Variants in PRPSAP2 observed in about 807,000 individuals in gnomAD.
PRPSAP2 encodes the protein phosphoribosyl pyrophosphate synthase-associated protein 2.
Under a neutral mutation model 40.6 loss-of-function variants are expected in PRPSAP2, and 24 were observed. The ratio of observed to expected loss-of-function variants is 0.59; its 90% CI spans 0.43 to 0.83. The LOEUF is 0.83. PRPSAP2 is among the 40% of genes least tolerant of loss of function. The pLI is 0.00. For missense variants in PRPSAP2, 292 were observed against 465.6 expected (o/e 0.63, Z 3.43); for synonymous variants, 149 against 164.7 (o/e 0.90, Z 0.73).
intron 4 of PRPSAP2, among the ~76,000 whole-genome samples, chr17:18,869,865 T>TGTGTGTGTGTGTGTGA (rs745428673): frequency 0.052 from 7,691 of 146,940 alleles, 207 homozygotes; most frequent in Admixed American, 0.071. Flanking sequence ...TGTGTGTGTG[T>TGTGTGTGTGTGTGTGA]GAGACAGAGT....
chr17:18,905,600 A>G (rs2040534043), intron 8 of PRPSAP2, among the ~76,000 whole-genome samples: 2 of 148,214 alleles, frequency 1.3e-5, no homozygotes, highest in Admixed American at 1.3e-4. Flanking sequence ...TTTTTTTGAG[A>G]CGGAGTTTCG....
At position 18,877,940 on chromosome 17, in the gene PRPSAP2, A is replaced by G. The variant is rs111306542; in HGVS notation, c.412+70A>G. 2.2e-4 allele frequency: 317 copies of G among 1,464,448 alleles called. 2 individuals are homozygous for G. In the African/African-American group the frequency reaches 4.1e-3, roughly 19 times the overall value. 90.7% of individuals were successfully genotyped at this position (1,464,448 alleles called of 1,614,324 possible). The stretch of plus-strand genomic sequence containing the variant: ...TTTATTTATTTATTCTCTCTTTTTT[A>G]AGACAGGGTCTTGCCCTGTCACCTA... On this transcript the variant is annotated intron_variant, in intron 6 of 11. Coordinates refer to ENST00000268835, the MANE Select transcript of PRPSAP2 (RefSeq NM_002767.4).
intron 7 of PRPSAP2, among the ~76,000 whole-genome samples, chr17:18,885,610 G>A (rs557504958): frequency 4.6e-4 from 70 of 151,316 alleles, no homozygotes; most frequent in Non-Finnish European, 8.7e-4. Flanking sequence ...TTTTTGAGAT[G>A]GAGTTTCGCT....
intron 9 of PRPSAP2, chr17:18,917,453 C>T (rs2041387133): frequency 6.8e-6 from 1 of 148,008 alleles, no homozygotes; most frequent in Non-Finnish European, 1.5e-5. Context: ...GTGGTGCAAT[C>T]ATGGCACACT....
At chr17:18,897,991 C>CTTTTTTTT (rs71155370) in intron 8 of PRPSAP2, among the ~76,000 whole-genome samples, 5 of 116,350 alleles carry the variant, frequency 4.3e-5, no homozygotes, top group South Asian at 7.0e-4. Flanking sequence ...AGAATTTTTG[C>CTTTTTTTT]TTTTTTTTTT....
chr17:18,872,476 G>A, intron 4 of PRPSAP2, 107 bp from the exon 5 acceptor site: 2 of 805,624 alleles, frequency 2.5e-6, no homozygotes, highest in Non-Finnish European at 4.1e-6. Flanking sequence ...ATAACAGTTT[G>A]AGTTGCCATA....
At position 18,911,278 on chromosome 17, in the gene PRPSAP2, C is replaced by A; in HGVS notation, c.733+27C>A. On this transcript the variant is annotated intron_variant, in intron 9 of 11. Transcript: ENST00000268835. The surrounding 1 kb of genome is among the most constrained non-coding windows in gnomAD (Gnocchi z 4.5). ...TAAGTGTGCTGCTGCCTCTTTCCCA[C>A]TTTCCTCTGATTTTAAGGCTGACTA... The A allele has an allele frequency of 6.3e-7, 1 of 1,580,284 alleles. No homozygotes were observed. Among genetic ancestry groups the A allele is most frequent in the Non-Finnish European group, 8.6e-7 (1 of 1,158,194 alleles).
intron 7 of PRPSAP2, 118 bp from the exon 8 acceptor site, chr17:18,889,704 T>C: frequency 1.4e-6 from 1 of 714,662 alleles, no homozygotes; most frequent in Non-Finnish European, 2.2e-6. Flanking sequence ...CAAAGGAGAA[T>C]TTTACTTTGA....
chr17:18,873,191 CTTTTT>C (rs34126027), intron 5 of PRPSAP2, among the ~76,000 whole-genome samples: 1 of 108,176 alleles, frequency 9.2e-6, no homozygotes. Flanking sequence ...AGTAGAGGCT[CTTTTT>C]TTTTTTTTTT....
intron 7 of PRPSAP2, among the ~76,000 whole-genome samples, chr17:18,888,033 G>T: frequency 1.9e-5 from 1 of 52,324 alleles, no homozygotes. Flanking sequence ...TTGAGATTAG[G>T]GATTGGTGAT....
intron 8 of PRPSAP2, among the ~76,000 whole-genome samples, chr17:18,910,145 G>C (rs925042587): frequency 2.0e-5 from 3 of 151,946 alleles, no homozygotes; most frequent in Non-Finnish European, 4.4e-5. Flanking sequence ...ATGGCCAGGC[G>C]CAAGTGGCTC....
intron 1 of PRPSAP2, among the ~76,000 whole-genome samples, chr17:18,862,221 G>A (rs1240580168): frequency 6.6e-6 from 1 of 152,166 alleles, no homozygotes; most frequent in Non-Finnish European, 1.5e-5. Flanking sequence ...TGGAATGATG[G>A]GCCCTCAGCG....
intron 9 of PRPSAP2, among the ~76,000 whole-genome samples, chr17:18,913,902 G>A (rs945710481): frequency 6.6e-5 from 10 of 151,526 alleles, no homozygotes; most frequent in Admixed American, 5.3e-4. Context: ...GTGGCTGGGC[G>A]CGGCGGCTCA....
chr17:18,919,866 C>G (rs1179284495), intron 9 of PRPSAP2, among the ~76,000 whole-genome samples: 4 of 152,116 alleles, frequency 2.6e-5, no homozygotes, highest in Non-Finnish European at 5.9e-5. Flanking sequence ...GTCTCTTGGA[C>G]TTAGTAATGG....
chr17:18,909,511 T>C (rs1256762748), intron 8 of PRPSAP2, among the ~76,000 whole-genome samples: 11 of 152,060 alleles, frequency 7.2e-5, no homozygotes, highest in Admixed American at 4.6e-4. Context: ...CCCAAAGTGC[T>C]GGGATTACAG....
At chr17:18,861,400 G>T (rs1272670624) in intron 1 of PRPSAP2, 2 of 151,272 alleles carry the variant, frequency 1.3e-5, no homozygotes, top group African/African-American at 4.9e-5. Context: ...GGAGGCGGAG[G>T]TTATAGTGAG....
At chr17:18,913,541 CTTTTTTTTTTTT>C (rs35697920) in intron 9 of PRPSAP2, among the ~76,000 whole-genome samples, 1 of 73,950 alleles carries the variant, frequency 1.4e-5, no homozygotes, top group Non-Finnish European at 2.5e-5. Context: ...GCGTCTGGTT[CTTTTTTTTTTTT>C]TTTTTTTTTT....
chr17:18,880,340 G>A (rs1250483377), intron 6 of PRPSAP2, among the ~76,000 whole-genome samples: 1 of 152,106 alleles, frequency 6.6e-6, no homozygotes. Context: ...TCTGGTGATC[G>A]TTACAAAGGT....
Position 18,887,838 on chromosome 17 carries a change from C to CT in PRPSAP2, c.529-1970dup, listed in dbSNP as rs11364727. On this transcript the variant is annotated intron_variant, in intron 7 of 11. Coordinates refer to ENST00000268835, the MANE Select transcript of PRPSAP2 (RefSeq NM_002767.4). ...TCTTTTTCATAATAACTTGTTCTTT[C>CT]TTTTTTTTTTTTTTAATTTATTTTT... Among the ~76,000 whole-genome samples the CT allele has an allele frequency of 5.1e-3, 414 of 81,770 alleles. 108 individuals are homozygous for CT. Among genetic ancestry groups the CT allele is most frequent in the African/African-American group, 0.018 (374 of 21,110 alleles). The allele number at this position is 81,770 out of a possible 152,430, so 53.6% of individuals were successfully genotyped here.
Sources: gnomAD v4.1 joint callset for allele counts (sites outside exome capture counted in the v4.1 genomes callset) on GRCh38, gnomAD v4.1.1 for gene constraint, Gnocchi (gnomAD v3.1) non-coding constraint, MANE v1.5 for transcripts, NCBI Gene and HGNC (gene_info 2026-07-23, HGNC 2026-07-21) for gene names.